NOMO1: variants seen among roughly 807,000 people sequenced by gnomAD.
NOMO1 encodes NODAL modulator 1, also known as nodal modulator 3.
NOMO1 carries 40 observed loss-of-function variants against 133.8 expected under a neutral mutation model. The ratio of observed to expected loss-of-function variants is 0.30; its 90% CI spans 0.23 to 0.39. The LOEUF (loss-of-function observed/expected upper bound fraction) is 0.39. Ranked by LOEUF, NOMO1 falls within the 10% of genes least tolerant of loss-of-function variation. NOMO1 has a pLI of 1.00. For synonymous variants in NOMO1, 236 were observed against 570.5 expected (o/e 0.41, Z 8.36); for missense variants, 462 against 1,419.9 (o/e 0.33, Z 10.84).
intron 28 of NOMO1, chr16:14,888,702 C>T (rs1964363016): frequency 3.2e-6 from 1 of 317,342 alleles, no homozygotes; most frequent in South Asian, 2.8e-5. Flanking sequence ...TCTCAAGCAT[C>T]GTCCCTTTGA....
At position 14,865,151 on chromosome 16, in the gene NOMO1, C is replaced by CTTTTG; in HGVS notation, c.1665_1666insTTTTG (p.Lys556PhefsTer2). 7.1e-7 allele frequency: 1 copy of CTTTTG among 1,405,250 alleles called. No homozygotes were observed. Among genetic ancestry groups the CTTTTG allele is most frequent in the South Asian group, 1.2e-5 (1 of 85,982 alleles). The allele number at this position is 1,405,250 out of a possible 1,614,324, so 87.0% of individuals were successfully genotyped here. On this transcript the variant is annotated frameshift_variant, in exon 14 of 31. Coordinates refer to ENST00000287667, the MANE Select transcript of NOMO1 (RefSeq NM_014287.4). LOFTEE classifies it high-confidence loss of function. The stretch of plus-strand genomic sequence containing the variant: ...TTGACAACGTGCTCCCTGGAAAATA[C>CTTTTG]AAAAGTAAGAATTGGAATGCAACAT...
intron 11 of NOMO1, among the ~76,000 whole-genome samples, chr16:14,859,730 TAAC>T (rs1213832405): frequency 1.3e-5 from 2 of 151,892 alleles, no homozygotes; most frequent in South Asian, 2.1e-4. Flanking sequence ...AAAAATAAAA[TAAC>T]AAGATTTTAA....
chr16:14,838,522 T>C (rs751191051), intron 2 of NOMO1, 26 bp downstream of exon 2: 19 of 1,611,838 alleles, frequency 1.2e-5, no homozygotes, highest in South Asian at 2.2e-5. Flanking sequence ...TTGTCACTTA[T>C]GATGGGAAAT....
chr16:14,871,248 G>A (rs1326150055), intron 16 of NOMO1, among the ~76,000 whole-genome samples: 5 of 150,806 alleles, frequency 3.3e-5, no homozygotes, highest in African/African-American at 1.2e-4. Context: ...TTATCTCTTG[G>A]ATCCTTAATA....
At chr16:14,862,903 C>G in intron 11 of NOMO1, 110 bp from the exon 12 acceptor site, 2 of 1,405,576 alleles carry the variant, frequency 1.4e-6, no homozygotes, top group East Asian at 4.6e-5. Context: ...TAAGATTAGA[C>G]TATTCTCAGG....
intron 15 of NOMO1, among the ~76,000 whole-genome samples, chr16:14,867,176 ATTTTTTT>A (rs1174703237): frequency 0.049 from 364 of 7,420 alleles, 2 homozygotes; most frequent in African/African-American, 0.09. Flanking sequence ...ATATATATAT[ATTTTTTT>A]TTTTTTTTTT....
Position 14,855,573 on chromosome 16 carries a change from C to T in NOMO1, c.963+1547C>T, listed in dbSNP as rs1237587375. Among the ~76,000 whole-genome samples the T allele has an allele frequency of 4.0e-5, 6 of 151,816 alleles. No individual in the cohort carries two copies. The East Asian group carries it at 1.2e-3, about 29-fold the overall frequency. On this transcript the variant is annotated intron_variant, in intron 9 of 30. Transcript: ENST00000287667. ...GGTGCAGACTCTGCATTTTAAGATT[C>T]AGTGGAGTGTTTGACCGTTCTGCTG...
At chr16:14,885,431 T>TA (rs1221036210) in intron 27 of NOMO1, among the ~76,000 whole-genome samples, 6 of 152,174 alleles carry the variant, frequency 3.9e-5, no homozygotes, top group Admixed American at 3.3e-4. Context: ...ATCTCCATGT[T>TA]ACCATTAATG....
At chr16:14,859,293 A>G (rs1308983566) in intron 11 of NOMO1, among the ~76,000 whole-genome samples, 1 of 151,986 alleles carries the variant, frequency 6.6e-6, no homozygotes, top group East Asian at 1.9e-4. Flanking sequence ...TCTTTTCTGT[A>G]GACAGATGGA....
intron 23 of NOMO1, 138 bp downstream of exon 23, chr16:14,878,972 C>T (rs568704902): frequency 3.1e-5 from 29 of 944,798 alleles, no homozygotes; most frequent in South Asian, 1.5e-4. Flanking sequence ...TGGGGGCCCA[C>T]GGTCATTAGA....
chr16:14,892,266 AAAGAT>A (rs1964415710), intron 29 of NOMO1, among the ~76,000 whole-genome samples: 1 of 151,370 alleles, frequency 6.6e-6, no homozygotes, highest in Admixed American at 6.6e-5. Flanking sequence ...AAAGTGCCAG[AAAGAT>A]AAGCATATAC....
intron 2 of NOMO1, among the ~76,000 whole-genome samples, chr16:14,840,662 G>C (rs1963592553): frequency 6.7e-6 from 1 of 150,076 alleles, no homozygotes; most frequent in African/African-American, 2.5e-5. Flanking sequence ...TTGAATTAAT[G>C]AGTTAATGTA....
At chr16:14,856,471 G>A (rs913433330) in intron 9 of NOMO1, among the ~76,000 whole-genome samples, 11 of 151,594 alleles carry the variant, frequency 7.3e-5, no homozygotes, top group Admixed American at 3.3e-4. Context: ...ACACAGGCTG[G>A]CACTGTCTTG....
chr16:14,845,396 C>G (rs1201949383), intron 4 of NOMO1, among the ~76,000 whole-genome samples: 1 of 151,970 alleles, frequency 6.6e-6, no homozygotes, highest in African/African-American at 2.4e-5. Flanking sequence ...GAAGGACGCA[C>G]TCTCTAAGCC....
At chr16:14,879,833 A>G (rs1482840086) in intron 23 of NOMO1, among the ~76,000 whole-genome samples, 182 bp from the exon 24 acceptor site, 1 of 150,868 alleles carries the variant, frequency 6.6e-6, no homozygotes, top group Non-Finnish European at 1.5e-5. Context: ...TGCCGTTGTT[A>G]GAGTTGTGAT....
intron 24 of NOMO1, among the ~76,000 whole-genome samples, chr16:14,880,970 G>A (rs978385163): frequency 6.0e-5 from 9 of 150,622 alleles, no homozygotes; most frequent in African/African-American, 2.0e-4. Flanking sequence ...GTTCTCTTGA[G>A]TCTGGAAGTT....
At chr16:14,836,861 G>A (rs1321206643) in intron 1 of NOMO1, among the ~76,000 whole-genome samples, 8 of 150,430 alleles carry the variant, frequency 5.3e-5, no homozygotes, top group African/African-American at 1.5e-4. Context: ...GCCCGCCACC[G>A]CGCCCGGCTA....
At chr16:14,842,051 C>T (rs1179656879) in intron 3 of NOMO1, among the ~76,000 whole-genome samples, 1 of 152,020 alleles carries the variant, frequency 6.6e-6, no homozygotes, top group African/African-American at 2.4e-5. Flanking sequence ...CCCTTCTGCA[C>T]ACATCCCAAA....
rs764136268 is a variant in NOMO1, at chr16:14,868,600, C to G, written c.1859C>G (p.Ser620Cys). The change falls in exon 16 of 31, where the codon TCC becomes TGC. Residue 620 changes from serine to cysteine, a missense_variant. Ser to Cys is a moderately radical substitution (Grantham distance 112). Coordinates refer to ENST00000287667, the MANE Select transcript of NOMO1 (RefSeq NM_014287.4). Reference protein sequence around the residue: ...GRENVGIYNLSKGVNRFCLSK... With the variant: ...GRENVGIYNLCKGVNRFCLSK... ...GAGAATGTGGGGATTTATAACCTCT[C>G]CAAAGGAGTCAACCGATTCTGCCTG... 1.6e-5 allele frequency: 25 copies of G among 1,605,366 alleles called. No individual in the cohort carries two copies. The highest frequency in any genetic ancestry group is 2.1e-5 in the Non-Finnish European group (25 of 1,174,848).
Sources: gnomAD v4.1 joint callset for allele counts (sites outside exome capture counted in the v4.1 genomes callset) on GRCh38, gnomAD v4.1.1 for gene constraint, MANE v1.5 for transcripts, NCBI Gene and HGNC (gene_info 2026-07-23, HGNC 2026-07-21) for gene names.